MAGT1: variants seen among roughly 807,000 people sequenced by gnomAD.
MAGT1 encodes the protein magnesium transporter 1.
MAGT1 carries 4 observed loss-of-function variants against 28.4 expected under a neutral mutation model. That is an observed-to-expected ratio of 0.14 (90% CI 0.07 to 0.32). The LOEUF (loss-of-function observed/expected upper bound fraction) is 0.32, where lower values mean the gene tolerates loss of function less well. Ranked by LOEUF, MAGT1 falls within the 10% of genes least tolerant of loss-of-function variation. The pLI, the probability that MAGT1 is intolerant of heterozygous loss-of-function variation, is 1.00. For missense variants in MAGT1, 193 were observed against 264.5 expected (o/e 0.73, Z 1.88); for synonymous variants, 89 against 89.7 (o/e 0.99, Z 0.04).
intron 1 of MAGT1, among the ~76,000 whole-genome samples, chrX:77,884,996 A>G (rs1361348763): frequency 9.7e-6 from 1 of 103,179 alleles, no homozygotes; most frequent in Non-Finnish European, 2.0e-5. Context: ...CGGGAGTCGG[A>G]GCTTGCAGAG....
chrX:77,877,576 G>C (rs2077038874), intron 1 of MAGT1, among the ~76,000 whole-genome samples: 1 of 110,103 alleles, frequency 9.1e-6, no homozygotes, highest in African/African-American at 3.3e-5. Flanking sequence ...ACTTTGGGAG[G>C]CCAAGGTGGG....
intron 3 of MAGT1, chrX:77,868,711 T>C (rs2077013394): frequency 3.6e-6 from 1 of 274,658 alleles, no homozygotes; most frequent in Admixed American, 4.0e-5. Flanking sequence ...TCCCAGCTAC[T>C]TGGGAGGCTG....
At chrX:77,830,584 C>T (rs1557213286) in intron 9 of MAGT1, among the ~76,000 whole-genome samples, 1 of 109,889 alleles carries the variant, frequency 9.1e-6, no homozygotes, top group Non-Finnish European at 1.9e-5. Context: ...CATTGCACTC[C>T]AGTCTGGGCA....
chrX:77,889,749 G>A (rs781903521), intron 1 of MAGT1, among the ~76,000 whole-genome samples: 2 of 111,416 alleles, frequency 1.8e-5, no homozygotes, highest in Non-Finnish European at 1.9e-5. Flanking sequence ...CATGTAAAAC[G>A]AGATATCCAT....
At chrX:77,857,055 T>C (rs1209883611) in intron 4 of MAGT1, among the ~76,000 whole-genome samples, 182 bp from the exon 5 acceptor site, 1 of 111,818 alleles carries the variant, frequency 8.9e-6, no homozygotes, top group Non-Finnish European at 1.9e-5. Flanking sequence ...ATAGAATAGG[T>C]ACAATATTCT....
At chrX:77,841,966 A>G (rs909257875) in intron 7 of MAGT1, among the ~76,000 whole-genome samples, 4 of 106,650 alleles carry the variant, frequency 3.8e-5, no homozygotes, top group Non-Finnish European at 7.7e-5. Flanking sequence ...CTGGGATTAT[A>G]GGTGTGAATG....
chrX:77,855,685 G>T, intron 5 of MAGT1, 95 bp from the exon 6 acceptor site: 1 of 623,356 alleles, frequency 1.6e-6, no homozygotes, highest in South Asian at 2.9e-5. Context: ...GTTTAGTTAA[G>T]ACATAGAATT....
chrX:77,870,162 T>C (rs782364529), intron 3 of MAGT1, among the ~76,000 whole-genome samples: 1 of 111,530 alleles, frequency 9.0e-6, no homozygotes, highest in Non-Finnish European at 1.9e-5. Flanking sequence ...GAAAACCAAA[T>C]ATCGTTATGT....
At chrX:77,881,977 T>G (rs1223490227) in intron 1 of MAGT1, among the ~76,000 whole-genome samples, 3 of 111,774 alleles carry the variant, frequency 2.7e-5, no homozygotes, top group Non-Finnish European at 5.6e-5. Context: ...TCCCTGGGAT[T>G]CAAGGCTGCT....
intron 5 of MAGT1, among the ~76,000 whole-genome samples, chrX:77,856,097 T>C (rs782793525): frequency 2.7e-5 from 3 of 111,428 alleles, no homozygotes; most frequent in African/African-American, 9.8e-5. Context: ...ATTATAACTA[T>C]GCAGACACAA....
rs782208333 is a variant in MAGT1, at chrX:77,888,208, T to A, written c.102+7101A>T. Among the ~76,000 whole-genome samples, 4 of 112,229 alleles carry A rather than the reference T, an allele frequency of 3.6e-5. No individual in the cohort carries two copies. The South Asian group carries it at 1.1e-3, about 30-fold the overall frequency. ...TATAAAACAAATTACAGGCTTACTATGAAAAAACACATTGAATTTACAAGA... is the reference window on the plus strand; with the variant it reads ...TATAAAACAAATTACAGGCTTACTAAGAAAAAACACATTGAATTTACAAGA... On this transcript the variant is annotated intron_variant, in intron 1 of 9. Coordinates refer to ENST00000618282, the MANE Select transcript of MAGT1 (RefSeq NM_001367916.1).
At chrX:77,834,102 T>C (rs1459860531) in intron 8 of MAGT1, among the ~76,000 whole-genome samples, 1 of 106,217 alleles carries the variant, frequency 9.4e-6, no homozygotes, top group Admixed American at 1.0e-4. Context: ...TAGACCCCTA[T>C]CTCTTGCCAT....
intron 7 of MAGT1, among the ~76,000 whole-genome samples, chrX:77,849,477 C>CT (rs2076961040): frequency 9.0e-6 from 1 of 110,797 alleles, no homozygotes; most frequent in African/African-American, 3.3e-5. Context: ...GGGAAGGTGG[C>CT]AATCAGGAGG....
chrX:77,855,936 A>C (rs181888126), intron 5 of MAGT1, among the ~76,000 whole-genome samples: 1 of 109,555 alleles, frequency 9.1e-6, no homozygotes, highest in Non-Finnish European at 1.9e-5. Context: ...ACGCCCAGCT[A>C]ATTTTGTATT....
chrX:77,871,952 T>C (rs1025932447), intron 2 of MAGT1, among the ~76,000 whole-genome samples: 2 of 111,750 alleles, frequency 1.8e-5, no homozygotes, highest in Admixed American at 1.9e-4. Flanking sequence ...TTTCACTCCA[T>C]ATCCTCCTAT....
At chrX:77,887,676 T>C (rs782143221) in intron 1 of MAGT1, among the ~76,000 whole-genome samples, 1 of 112,243 alleles carries the variant, frequency 8.9e-6, no homozygotes, top group South Asian at 3.7e-4. Flanking sequence ...CTAATAATAC[T>C]TGAAAATTAT....
chrX:77,849,189 G>A (rs2076960342), intron 7 of MAGT1, among the ~76,000 whole-genome samples: 1 of 108,269 alleles, frequency 9.2e-6, no homozygotes, highest in Admixed American at 1.0e-4. Flanking sequence ...CCACCCTCCT[G>A]CCTCAGCCTC....
chrX:77,878,289 CAAAAAAAAAAAA>C (rs1205547369), intron 1 of MAGT1, among the ~76,000 whole-genome samples: 7 of 15,072 alleles, frequency 4.6e-4, no homozygotes, highest in Non-Finnish European at 5.7e-4. Context: ...AACTCTGATG[CAAAAAAAAAAAA>C]AAAAAAAAAA....
At position 77,825,865 on chromosome X, in the gene MAGT1, T is replaced by C. The variant is rs2076881858; in HGVS notation, c.*3355A>G. Among the ~76,000 whole-genome samples the C allele has an allele frequency of 8.9e-6, 1 of 112,899 alleles. No homozygotes were observed. Among genetic ancestry groups the C allele is most frequent in the Non-Finnish European group, 1.9e-5 (1 of 53,386 alleles). ...TATAAAGAAATATGTTCAGAGAGGT[T>C]CAGGTGACACCTATGGTCATATAGT... On this transcript the variant is annotated 3_prime_UTR_variant, in exon 10 of 10. Coordinates refer to ENST00000618282, the MANE Select transcript of MAGT1 (RefSeq NM_001367916.1).
Sources: allele counts gnomAD v4.1 joint callset (sites outside exome capture counted in the v4.1 genomes callset), GRCh38; gene constraint gnomAD v4.1.1; transcripts MANE v1.5; gene names NCBI Gene and HGNC (gene_info 2026-07-23, HGNC 2026-07-21).